The following SERPINF1 variants were observed in gnomAD, a reference collection of about 807,000 sequenced individuals.
SERPINF1 encodes serpin family F member 1, also known as pigment epithelium-derived factor.
In SERPINF1, 29 loss-of-function variants were observed where a neutral mutation model predicts 37.3. The ratio of observed to expected loss-of-function variants is 0.78; its 90% CI spans 0.58 to 1.06. The LOEUF (loss-of-function observed/expected upper bound fraction) is 1.06. SERPINF1 is among the 50% of genes least tolerant of loss of function. The pLI is 0.00. For missense variants in SERPINF1, 553 were observed against 532.2 expected (o/e 1.04, Z -0.38); for synonymous variants, 281 against 227.9 (o/e 1.23, Z -2.10).
At chr17:1,769,637 AC>A in intron 2 of SERPINF1, 2 of 602,948 alleles carry the variant, frequency 3.3e-6, no homozygotes. Flanking sequence ...TAAAAAAAAA[AC>A]AGCTGATCTC....
chr17:1,768,249 G>A lies in SERPINF1; in HGVS notation c.84+1255G>A, dbSNP rs189871875. On this transcript the variant is annotated intron_variant, in intron 2 of 7. Transcript: ENST00000254722. ...GATCGAGACCATCCTGGCTAACATGGTGAAACCCCGTCTCTACTAAAAATA... is the reference window on the plus strand; with the variant it reads ...GATCGAGACCATCCTGGCTAACATGATGAAACCCCGTCTCTACTAAAAATA... 8.6e-3 allele frequency among the ~76,000 whole-genome samples: 1,312 copies of A among 151,950 alleles called. 21 individuals carry two copies. The highest frequency in any genetic ancestry group is 0.03 in the African/African-American group (1,231 of 41,464).
intron 4 of SERPINF1, among the ~76,000 whole-genome samples, chr17:1,771,529 C>T (rs1032512078): frequency 2.0e-5 from 3 of 152,106 alleles, no homozygotes; most frequent in Admixed American, 6.5e-5. Flanking sequence ...TGAGCCACCG[C>T]GCTCGGCCCG....
intron 3 of SERPINF1, 176 bp from the exon 4 acceptor site, chr17:1,770,853 C>T: frequency 2.6e-6 from 2 of 778,138 alleles, no homozygotes; most frequent in Non-Finnish European, 2.2e-6. Flanking sequence ...CTTTAACCTA[C>T]TTCAGGAAAA....
chr17:1,766,424 C>G (rs1907369999), intron 1 of SERPINF1: 1 of 152,122 alleles, frequency 6.6e-6, no homozygotes, highest in African/African-American at 2.4e-5. Context: ...GGCATGGTGG[C>G]AGGTGCCTGT....
At chr17:1,770,136 T>C in intron 3 of SERPINF1, 86 bp downstream of exon 3, 1 of 1,471,074 alleles carries the variant, frequency 6.8e-7, no homozygotes, top group Non-Finnish European at 9.3e-7. Context: ...TTTATTGACA[T>C]TTCAGTTCAG....
intron 5 of SERPINF1, among the ~76,000 whole-genome samples, chr17:1,774,252 G>T (rs1288715765): frequency 6.6e-6 from 1 of 152,170 alleles, no homozygotes; most frequent in African/African-American, 2.4e-5. Flanking sequence ...CTGGAGTGCT[G>T]TGGTGTGATC....
intron 2 of SERPINF1, among the ~76,000 whole-genome samples, chr17:1,768,750 T>C (rs2151206562): frequency 6.6e-6 from 1 of 152,060 alleles, no homozygotes; most frequent in Middle Eastern, 3.4e-3. Flanking sequence ...GTGCTGGGAT[T>C]ATAGGCATAA....
chr17:1,769,099 G>A (rs1048718885), intron 2 of SERPINF1, among the ~76,000 whole-genome samples: 1 of 151,938 alleles, frequency 6.6e-6, no homozygotes, highest in Non-Finnish European at 1.5e-5. Context: ...GAGCCACTCG[G>A]CTGATGGTTT....
chr17:1,775,248 A>G (rs571399256), intron 6 of SERPINF1, 48 bp downstream of exon 6: 2 of 1,587,464 alleles, frequency 1.3e-6, no homozygotes, highest in South Asian at 2.2e-5. Context: ...GGGAGAGGAT[A>G]GAGAAGCAAA....
intron 4 of SERPINF1, 103 bp from the exon 5 acceptor site, chr17:1,771,769 G>A: frequency 3.6e-6 from 4 of 1,108,948 alleles, no homozygotes; most frequent in Admixed American, 3.8e-5. Context: ...GGGAAGTCAG[G>A]GCCTGCTGAG....
In SERPINF1 at chr17:1,777,433, C is replaced by T. The variant is rs780192741; in HGVS notation, c.1244C>T (p.Pro415Leu). The T allele has an allele frequency of 6.2e-7, 1 of 1,614,098 alleles. No homozygotes were observed. The highest frequency in any genetic ancestry group is 8.5e-7 in the Non-Finnish European group (1 of 1,180,016). ...CTCTTCATTGGCAAGATTCTGGACC[C>T]CAGGGGCCCCTAATATCCCAGTTTA... ...ALLFIGKILDPRGP is the reference protein window; with the variant it reads ...ALLFIGKILDLRGP The change falls in exon 8 of 8, where the codon CCC becomes CTC. Residue 415 changes from proline to leucine, a missense_variant. Transcript: ENST00000254722.
Position 1,775,149 on chromosome 17 carries a change from G to C in SERPINF1, c.735G>C (p.Ser245=). The part of the protein sequence containing the change: ...EERTVRVPMM[S]DPKAVLRYGL... The stretch of plus-strand genomic sequence containing the variant: ...GGACCGTGAGGGTCCCCATGATGTC[G>C]GACCCTAAGGCTGTTTTACGCTATG... The change falls in exon 6 of 8, where the codon TCG becomes TCC. Residue 245 remains serine, a synonymous_variant. Coordinates refer to ENST00000254722, the MANE Select transcript of SERPINF1 (RefSeq NM_002615.7). 1 of 1,613,852 alleles carries C rather than the reference G, an allele frequency of 6.2e-7. No homozygotes were observed. The highest frequency in any genetic ancestry group is 8.5e-7 in the Non-Finnish European group (1 of 1,179,924).
At chr17:1,773,825 G>T (rs9916032) in intron 5 of SERPINF1, among the ~76,000 whole-genome samples, 15,926 of 152,036 alleles carry the variant, frequency 0.1, 1,359 homozygotes, top group African/African-American at 0.23. Flanking sequence ...ATAAGGCCTT[G>T]TGGGGTGGCC....
At chr17:1,776,794 T>C in intron 7 of SERPINF1, 52 bp downstream of exon 7, 1 of 1,543,790 alleles carries the variant, frequency 6.5e-7, no homozygotes. Context: ...TGGGGCAGGG[T>C]CTTTGGGCCT....
rs151059657 is a variant in SERPINF1 at position 1,769,973 on chromosome 17, G to A, written c.206G>A (p.Arg69Gln). The A allele has an allele frequency of 1.9e-6, 3 of 1,614,002 alleles. No individual in the cohort carries two copies. The highest frequency in any genetic ancestry group is 1.3e-5 in the African/African-American group (1 of 74,914). ...TTCGGCTATGACCTGTACCGGGTGC[G>A]ATCCAGCACGAGCCCCACGACCAAC... is the stretch of plus-strand genomic sequence containing the variant. Reference protein sequence around the residue: ...SNFGYDLYRVRSSTSPTTNVL... With the variant: ...SNFGYDLYRVQSSTSPTTNVL... The change falls in exon 3 of 8, where the codon CGA (arginine) becomes CAA (glutamine). Residue 69 changes from arginine (R) to glutamine (Q), a missense_variant. Coordinates refer to ENST00000254722, the MANE Select transcript of SERPINF1 (RefSeq NM_002615.7).
chr17:1,771,048 A>G lies in SERPINF1; in HGVS notation c.303A>G (p.Glu101=), dbSNP rs1907692097. 1 of 1,614,050 alleles carries G rather than the reference A, an allele frequency of 6.2e-7. No homozygotes were observed. Among genetic ancestry groups the G allele is most frequent in the Non-Finnish European group, 8.5e-7 (1 of 1,179,960 alleles). ...ALSLGAEQRT[E]SIIHRALYYD... ...TGGCAGGAGCGGAGCAGCGAACAGA[A>G]TCCATCATTCACCGGGCTCTCTACT... The change falls in exon 4 of 8, where the codon GAA becomes GAG. Residue 101 remains glutamate (E), a synonymous_variant. Coordinates refer to ENST00000254722, the MANE Select transcript of SERPINF1 (RefSeq NM_002615.7).
chr17:1,768,348 G>T (rs1471515047), intron 2 of SERPINF1, among the ~76,000 whole-genome samples: 4 of 148,166 alleles, frequency 2.7e-5, no homozygotes, highest in East Asian at 4.0e-4. Flanking sequence ...GGAGAATGGC[G>T]TGAACCCGGG....
At chr17:1,769,771 A>G (rs1478973513) in intron 2 of SERPINF1, 81 bp from the exon 3 acceptor site, 1 of 1,500,972 alleles carries the variant, frequency 6.7e-7, no homozygotes, top group African/African-American at 1.4e-5. Context: ...CCACCACCCT[A>G]CACAAAGCCG....
chr17:1,770,857 A>G, intron 3 of SERPINF1, 172 bp from the exon 4 acceptor site: 2 of 803,734 alleles, frequency 2.5e-6, no homozygotes, highest in Middle Eastern at 3.6e-4. Context: ...AACCTACTTC[A>G]GGAAAATCTC....
Sources: gnomAD v4.1 joint callset for allele counts (sites outside exome capture counted in the v4.1 genomes callset) on GRCh38, gnomAD v4.1.1 for gene constraint, MANE v1.5 for transcripts, NCBI Gene and HGNC (gene_info 2026-07-23, HGNC 2026-07-21) for gene names.